Variants in ACYP2 observed in about 807,000 individuals in gnomAD.
ACYP2 encodes acylphosphatase 2, also known as acylphosphatase-2.
Under a neutral mutation model 11.2 loss-of-function variants are expected in ACYP2, and 12 were observed. That is an observed-to-expected ratio of 1.08 (90% CI 0.69 to 1.74). The LOEUF is 1.74. Among genes scored for constraint, ACYP2 ranks in the 40% most tolerant of loss-of-function variants. The pLI, the probability that ACYP2 is intolerant of heterozygous loss-of-function variation, is 0.00. For missense variants in ACYP2, 134 were observed against 101.9 expected (o/e 1.31, Z -1.35); for synonymous variants, 43 against 32.2 (o/e 1.33, Z -1.13).
chr2:54,266,699 G>A (rs532162660), intron 6 of ACYP2, among the ~76,000 whole-genome samples: 180 of 143,660 alleles, frequency 1.3e-3, no homozygotes, highest in African/African-American at 4.6e-3. Context: ...TCCGCCGTCC[G>A]GGTTCACGCC....
chr2:54,218,693 A>AGTGGTAATAG (rs146890845), intron 6 of ACYP2, among the ~76,000 whole-genome samples: 36,301 of 151,872 alleles, frequency 0.24, 4,518 homozygotes, highest in East Asian at 0.39. Flanking sequence ...GGGGTGGTAT[A>AGTGGTAATAG]GTGGTACTAG....
Position 54,266,958 on chromosome 2 carries a change from C to T in ACYP2, c.405-37730C>T, listed in dbSNP as rs567949317. 3.9e-5 allele frequency among the ~76,000 whole-genome samples: 6 copies of T among 152,050 alleles called. No individual in the cohort carries two copies. The East Asian group carries it at 9.7e-4, about 25-fold the overall frequency. On this transcript the variant is annotated intron_variant, in intron 6 of 6. Coordinates refer to ENST00000607452, the MANE Select transcript of ACYP2 (RefSeq NM_001320586.2). ...GATGGACACATAGGAAATGGCGAGG[C>T]GAAGAAATGAACCCAGGCAATCTGA...
intron 2 of ACYP2, among the ~76,000 whole-genome samples, chr2:54,018,733 G>A (rs1196019506): frequency 2.0e-5 from 3 of 151,856 alleles, no homozygotes; most frequent in Admixed American, 6.6e-5. Context: ...AAAATCAATC[G>A]CTATCTGGGT....
At chr2:54,024,361 G>A (rs1314954572) in intron 2 of ACYP2, among the ~76,000 whole-genome samples, 1 of 152,112 alleles carries the variant, frequency 6.6e-6, no homozygotes, top group Non-Finnish European at 1.5e-5. Context: ...TCAAGACTCT[G>A]TCACACACAC....
chr2:54,056,720 A>G (rs1676172598), intron 3 of ACYP2, among the ~76,000 whole-genome samples: 1 of 152,166 alleles, frequency 6.6e-6, no homozygotes, highest in African/African-American at 2.4e-5. Context: ...AATAGTAACT[A>G]TATTGCATGT....
At chr2:54,019,465 C>G (rs559808694) in intron 2 of ACYP2, among the ~76,000 whole-genome samples, 373 of 152,012 alleles carry the variant, frequency 2.5e-3, no homozygotes, top group Non-Finnish European at 3.8e-3. Flanking sequence ...CAACCTCGAC[C>G]TCCTGGGCTC....
chr2:54,217,485 G>A (rs2103942417), intron 6 of ACYP2, among the ~76,000 whole-genome samples: 1 of 151,774 alleles, frequency 6.6e-6, no homozygotes, highest in East Asian at 1.9e-4. Context: ...TCCTACCTTA[G>A]CCTCCCGAGT....
chr2:54,054,862 T>C (rs1244156751), intron 3 of ACYP2, among the ~76,000 whole-genome samples: 1 of 152,220 alleles, frequency 6.6e-6, no homozygotes, highest in African/African-American at 2.4e-5. Context: ...AGGTAGATAT[T>C]ACTTTAGAGA....
At chr2:54,091,294 C>T (rs150153533) in intron 4 of ACYP2, among the ~76,000 whole-genome samples, 35 of 152,156 alleles carry the variant, frequency 2.3e-4, no homozygotes, top group African/African-American at 6.7e-4. Flanking sequence ...GCTAAATCCT[C>T]ATTTTCCAAA....
In ACYP2 at chr2:54,076,289, A is replaced by C. The variant is rs375382686; in HGVS notation, c.277+18929A>C. ...CAAAGAGAACTTCAAACTTATCTGCATTGTATTTAAAATTTATACGGAGAA... is the reference window on the plus strand; with the variant it reads ...CAAAGAGAACTTCAAACTTATCTGCCTTGTATTTAAAATTTATACGGAGAA... On this transcript the variant is annotated intron_variant, in intron 4 of 6. Transcript: ENST00000607452. 9.8e-5 allele frequency among the ~76,000 whole-genome samples: 15 copies of C among 152,364 alleles called. No individual in the cohort carries two copies. In the South Asian group the frequency reaches 3.1e-3, roughly 32 times the overall value.
chr2:53,989,550 C>G (rs1672188134), intron 2 of ACYP2, among the ~76,000 whole-genome samples: 1 of 152,040 alleles, frequency 6.6e-6, no homozygotes, highest in South Asian at 2.1e-4. Flanking sequence ...AACCCACTTG[C>G]TAGATTCGGG....
At chr2:54,195,837 G>A (rs1347798300) in intron 6 of ACYP2, among the ~76,000 whole-genome samples, 1 of 93,038 alleles carries the variant, frequency 1.1e-5, no homozygotes, top group Non-Finnish European at 2.0e-5. Context: ...TTGTTCCATC[G>A]CCTAGGCTAG....
chr2:54,233,305 C>CTTTTTTTT (rs1213428258), intron 6 of ACYP2, among the ~76,000 whole-genome samples: 1 of 129,230 alleles, frequency 7.7e-6, no homozygotes, highest in South Asian at 2.5e-4. Context: ...CCCTTCCAAA[C>CTTTTTTTT]TTTTTTTTTT....
At chr2:54,094,850 T>G (rs2103688195) in intron 4 of ACYP2, among the ~76,000 whole-genome samples, 2 of 152,324 alleles carry the variant, frequency 1.3e-5, no homozygotes, top group Middle Eastern at 3.4e-3. Context: ...AATATTTTAT[T>G]GTATTTTATT....
At chr2:54,234,010 G>A (rs1010189321) in intron 6 of ACYP2, among the ~76,000 whole-genome samples, 1 of 152,130 alleles carries the variant, frequency 6.6e-6, no homozygotes, top group East Asian at 1.9e-4. Flanking sequence ...AAAAGTGGGT[G>A]CCCTTTAATG....
chr2:53,993,154 C>G (rs1002581813), intron 2 of ACYP2, among the ~76,000 whole-genome samples: 1 of 151,978 alleles, frequency 6.6e-6, no homozygotes, highest in African/African-American at 2.4e-5. Flanking sequence ...TGCGGTGAGC[C>G]GAGATGGCAC....
chr2:54,237,230 C>T (rs2103977066), intron 6 of ACYP2, among the ~76,000 whole-genome samples: 1 of 152,200 alleles, frequency 6.6e-6, no homozygotes, highest in South Asian at 2.1e-4. Flanking sequence ...TACCTGAAGG[C>T]CTTCTTTGTC....
At chr2:54,260,157 C>T (rs1398530011) in intron 6 of ACYP2, among the ~76,000 whole-genome samples, 1 of 152,030 alleles carries the variant, frequency 6.6e-6, no homozygotes, top group Non-Finnish European at 1.5e-5. Flanking sequence ...GGCAGGAAGT[C>T]AAAGTGTGAG....
chr2:54,237,062 T>C (rs779239756), intron 6 of ACYP2, among the ~76,000 whole-genome samples: 15 of 152,206 alleles, frequency 9.9e-5, no homozygotes, highest in Non-Finnish European at 1.6e-4. Context: ...ACTATTTATA[T>C]AGCATGTATA....
Sources: allele counts gnomAD v4.1 joint callset (sites outside exome capture counted in the v4.1 genomes callset), GRCh38; gene constraint gnomAD v4.1.1; transcripts MANE v1.5; gene names NCBI Gene and HGNC (gene_info 2026-07-23, HGNC 2026-07-21).